Variants in SGIP1 observed in about 807,000 individuals in gnomAD.
The protein encoded by SGIP1 is SH3GL interacting endocytic adaptor 1, also known as SH3-containing GRB2-like protein 3-interacting protein 1.
SGIP1 carries 38 observed loss-of-function variants against 107.5 expected under a neutral mutation model. The ratio of observed to expected loss-of-function variants is 0.35; its 90% confidence interval spans 0.27 to 0.46. The LOEUF (loss-of-function observed/expected upper bound fraction) is 0.46. Ranked by LOEUF, SGIP1 falls within the 20% of genes least tolerant of loss-of-function variation. SGIP1 has a pLI of 1.00. For missense variants in SGIP1, 929 were observed against 1,019.5 expected, an observed-to-expected ratio of 0.91 and a Z score of 1.21; for synonymous variants, 365 against 366.1, an observed-to-expected ratio of 1.00 and a Z score of 0.03.
chr1:66,725,195 G>A (rs1043741711), intron 19 of SGIP1, among the ~76,000 whole-genome samples: 1 of 152,168 alleles, frequency 6.6e-6, no homozygotes, highest in South Asian at 2.1e-4. Context: ...TTTAACACCT[G>A]AGTGAGGGAG....
intron 17 of SGIP1, 125 bp from the exon 18 acceptor site, chr1:66,695,309 A>T: frequency 6.6e-7 from 1 of 1,524,760 alleles, no homozygotes; most frequent in Non-Finnish European, 8.8e-7. Context: ...CTGCACGCTA[A>T]TGGCATGTAG....
At chr1:66,665,594 TA>T (rs1488389440) in intron 8 of SGIP1, among the ~76,000 whole-genome samples, 1 of 152,196 alleles carries the variant, frequency 6.6e-6, no homozygotes, top group Non-Finnish European at 1.5e-5. Flanking sequence ...ACCAACAGTG[TA>T]AAAACATTCC....
chr1:66,547,449 A>G (rs1173281736), intron 1 of SGIP1, among the ~76,000 whole-genome samples: 1 of 152,188 alleles, frequency 6.6e-6, no homozygotes, highest in Non-Finnish European at 1.5e-5. Context: ...GCAAAGTCTA[A>G]TCCTCTTTAT....
intron 13 of SGIP1, among the ~76,000 whole-genome samples, chr1:66,677,910 G>A (rs1341057196): frequency 6.6e-6 from 1 of 152,178 alleles, no homozygotes; most frequent in Admixed American, 6.5e-5. Flanking sequence ...TTCCAGTTCA[G>A]CATCTCCAGA....
intron 18 of SGIP1, among the ~76,000 whole-genome samples, chr1:66,705,101 T>G (rs911752488): frequency 6.6e-6 from 1 of 152,194 alleles, no homozygotes; most frequent in East Asian, 1.9e-4. Context: ...TTTTATGTCT[T>G]CAACTATTCT....
chr1:66,700,238 G>A (rs1044521949), intron 18 of SGIP1, among the ~76,000 whole-genome samples: 3 of 152,092 alleles, frequency 2.0e-5, no homozygotes, highest in Non-Finnish European at 4.4e-5. Flanking sequence ...GGGCATGGTG[G>A]CACGTGCCTG....
At chr1:66,549,177 T>G (rs961048696) in intron 1 of SGIP1, among the ~76,000 whole-genome samples, 9 of 151,526 alleles carry the variant, frequency 5.9e-5, no homozygotes, top group Admixed American at 4.6e-4. Context: ...CTTCCTTCCT[T>G]CCTTCCTTCC....
At chr1:66,542,157 C>A (rs1406205143) in intron 1 of SGIP1, among the ~76,000 whole-genome samples, 1 of 151,554 alleles carries the variant, frequency 6.6e-6, no homozygotes, top group African/African-American at 2.4e-5. Context: ...TATATATATA[C>A]CTTCATAGAT....
intron 15 of SGIP1, among the ~76,000 whole-genome samples, chr1:66,686,735 C>T (rs1183411248): frequency 6.6e-6 from 1 of 152,168 alleles, no homozygotes; most frequent in South Asian, 2.1e-4. Flanking sequence ...CACAAGAAAT[C>T]AATTACTTCA....
rs866480308 is a variant in SGIP1, at chr1:66,608,745, C to T, written c.11-17102C>T. Among the ~76,000 whole-genome samples, 15 of 152,140 alleles carry T rather than the reference C, an allele frequency of 9.9e-5. No homozygotes were observed. The South Asian group carries it at 1.0e-3, about 10-fold the overall frequency. On this transcript the variant is annotated intron_variant, in intron 1 of 24. Transcript: ENST00000371037. ...CTGGAAAAGAGATTAACAAGATTTTCGCTGACCTTAAAACGGGAGGAGGCA... is the reference window on the plus strand; with the variant it reads ...CTGGAAAAGAGATTAACAAGATTTTTGCTGACCTTAAAACGGGAGGAGGCA...
chr1:66,713,700 G>A (rs1054546528), intron 18 of SGIP1, among the ~76,000 whole-genome samples: 1 of 151,648 alleles, frequency 6.6e-6, no homozygotes, highest in Non-Finnish European at 1.5e-5. Context: ...TGTATCCCTC[G>A]GCACCTAGCA....
chr1:66,558,325 T>C (rs140604865), intron 1 of SGIP1, among the ~76,000 whole-genome samples: 48 of 152,106 alleles, frequency 3.2e-4, no homozygotes, highest in African/African-American at 1.1e-3. Flanking sequence ...TTAAAATTTG[T>C]AATAATTTTT....
In SGIP1 at chr1:66,749,717, T is replaced by C. The variant is rs1340355046; in HGVS notation, c.*6622T>C. 6.6e-6 allele frequency among the ~76,000 whole-genome samples: 1 copy of C among 152,094 alleles called. No homozygotes were observed. The highest frequency in any genetic ancestry group is 1.5e-5 in the Non-Finnish European group (1 of 67,944). ...GTATATCATACAAATGTTAATTCCA[T>C]CTCGCTCATTCAGTTTTACATTACT... On this transcript the variant is annotated 3_prime_UTR_variant, in exon 25 of 25. Transcript: ENST00000371037.
intron 1 of SGIP1, among the ~76,000 whole-genome samples, chr1:66,539,445 T>C (rs1167073840): frequency 1.3e-5 from 2 of 152,312 alleles, no homozygotes; most frequent in East Asian, 3.9e-4. Context: ...GTTGGTTAAC[T>C]ACATCTGCAG....
rs567849443 is a variant in SGIP1, at chr1:66,641,245, A to G, written c.228+1412A>G. ...AGGGCAACTATGGAAGGTAACAGAA[A>G]TGTAAATTTAACCGTAGTAGTCATT... On this transcript the variant is annotated intron_variant, in intron 5 of 24. Transcript: ENST00000371037. Among the ~76,000 whole-genome samples, 23 of 152,296 alleles carry G rather than the reference A, an allele frequency of 1.5e-4. No homozygotes were observed. In the South Asian group the frequency reaches 3.7e-3, roughly 25 times the overall value.
intron 8 of SGIP1, among the ~76,000 whole-genome samples, chr1:66,664,906 T>C (rs2082220249): frequency 6.6e-6 from 1 of 152,200 alleles, no homozygotes; most frequent in African/African-American, 2.4e-5. Context: ...ATAGCAGCCA[T>C]AATCAAGATT....
chr1:66,574,907 G>T (rs10889632), intron 1 of SGIP1, among the ~76,000 whole-genome samples: 1 of 152,066 alleles, frequency 6.6e-6, no homozygotes, highest in African/African-American at 2.4e-5. Context: ...ATTTTGGAGC[G>T]TTAAACTATT....
chr1:66,618,985 A>G lies in SGIP1; in HGVS notation c.11-6862A>G, dbSNP rs532596766. Among the ~76,000 whole-genome samples the G allele has an allele frequency of 5.9e-5, 9 of 152,280 alleles. 2 individuals carry two copies. Among genetic ancestry groups the G allele is most frequent in the African/African-American group, 2.2e-4 (9 of 41,568 alleles). ...CTGTCACCCTACTTCAGTTTTTGGA[A>G]GCACGCATTTGCATGCTTCTGGGGG... On this transcript the variant is annotated intron_variant, in intron 1 of 24. Transcript: ENST00000371037.
intron 1 of SGIP1, among the ~76,000 whole-genome samples, chr1:66,608,495 G>A (rs79591627): frequency 0.046 from 7,059 of 152,184 alleles, 496 homozygotes; most frequent in African/African-American, 0.15. Context: ...TTTTAAAAGC[G>A]CTTTTTACAT....
Sources: gnomAD v4.1 joint callset for allele counts (sites outside exome capture counted in the v4.1 genomes callset) on GRCh38, gnomAD v4.1.1 for gene constraint, MANE v1.5 for transcripts, NCBI Gene and HGNC (gene_info 2026-07-23, HGNC 2026-07-21) for gene names.